TBC1D22A: variants seen among roughly 807,000 people sequenced by gnomAD.
The protein encoded by TBC1D22A is TBC1 domain family member 22A.
Under a neutral mutation model 60.2 loss-of-function variants are expected in TBC1D22A, and 38 were observed. That is an observed-to-expected ratio of 0.63 (90% CI 0.49 to 0.83). The LOEUF is 0.83. Among genes scored for constraint, TBC1D22A ranks in the 40% least tolerant of loss-of-function variants. The pLI is 0.00. For missense variants in TBC1D22A, 628 were observed against 701.0 expected (o/e 0.90, Z 1.18); for synonymous variants, 302 against 281.7 (o/e 1.07, Z -0.72).
intron 8 of TBC1D22A, chr22:46,915,133 A>C: frequency 3.0e-6 from 1 of 333,624 alleles, no homozygotes; most frequent in South Asian, 2.5e-5. Context: ...GTCGAGTCCC[A>C]GGGGTGTGCG....
intron 4 of TBC1D22A, among the ~76,000 whole-genome samples, chr22:46,839,766 A>G (rs2086672993): frequency 6.6e-6 from 1 of 152,250 alleles, no homozygotes. Flanking sequence ...AATGGAATGT[A>G]AAGTAGAGAG....
rs73477494 is a variant in TBC1D22A, at chr22:47,117,229, G to A, written c.1425+5626G>A. 1,636 of 167,634 alleles carry A rather than the reference G, an allele frequency of 9.8e-3. 7 individuals carry two copies. The highest frequency in any genetic ancestry group is 0.012 in the Non-Finnish European group (932 of 76,818). 10.4% of individuals were successfully genotyped at this position (167,634 alleles called of 1,614,324 possible). The stretch of plus-strand genomic sequence containing the variant: ...ACGAGCAGGGACGGGGCAGGATGGC[G>A]CATGGAGGAAGCAGGAAAAATTGTG... On this transcript the variant is annotated intron_variant, in intron 12 of 12. Coordinates refer to ENST00000337137, the MANE Select transcript of TBC1D22A (RefSeq NM_014346.5).
intron 4 of TBC1D22A, among the ~76,000 whole-genome samples, chr22:46,830,182 A>T (rs964448417): frequency 2.0e-4 from 30 of 152,216 alleles, no homozygotes; most frequent in African/African-American, 6.8e-4. Context: ...GCGGGAATGC[A>T]TGGGGACGCT....
Position 47,081,300 on chromosome 22 carries a change from C to T in TBC1D22A, c.1330-30208C>T, listed in dbSNP as rs76822796. Among the ~76,000 whole-genome samples the T allele has an allele frequency of 2.5e-3, 384 of 152,266 alleles. 1 individual carries two copies. The highest frequency in any genetic ancestry group is 8.6e-3 in the African/African-American group (358 of 41,554). On this transcript the variant is annotated intron_variant, in intron 11 of 12. Transcript: ENST00000337137. ...ATAGCATTTGACAAAATTCAGCACC[C>T]GCCGTGGTAGAAACGCTCCATAAAC...
At chr22:47,158,141 G>A (rs149974078) in intron 12 of TBC1D22A, among the ~76,000 whole-genome samples, 5 of 152,316 alleles carry the variant, frequency 3.3e-5, no homozygotes, top group East Asian at 3.9e-4. Flanking sequence ...GCTCTGGCTC[G>A]TGTGGGTTCT....
chr22:46,988,908 C>G (rs2074829353), intron 9 of TBC1D22A, among the ~76,000 whole-genome samples: 2 of 152,224 alleles, frequency 1.3e-5, no homozygotes, highest in Admixed American at 1.3e-4. Context: ...GTGTCTTCTT[C>G]CAGTAGAAGG....
At chr22:46,776,644 A>G (rs1462094029) in intron 1 of TBC1D22A, among the ~76,000 whole-genome samples, 2 of 152,004 alleles carry the variant, frequency 1.3e-5, no homozygotes, top group African/African-American at 4.8e-5. Context: ...TTGCATGGGT[A>G]GGACGAGGCC....
intron 10 of TBC1D22A, among the ~76,000 whole-genome samples, chr22:47,011,530 G>T (rs1001527491): frequency 1.3e-5 from 2 of 152,160 alleles, no homozygotes; most frequent in Non-Finnish European, 2.9e-5. Context: ...TTTCTAGAGC[G>T]GCCTCAGCAA....
At chr22:46,864,545 CACAA>C (rs1209453402) in intron 4 of TBC1D22A, among the ~76,000 whole-genome samples, 2 of 152,196 alleles carry the variant, frequency 1.3e-5, no homozygotes, top group Admixed American at 6.5e-5. Context: ...TTCCGCTTTC[CACAA>C]ACAGATTGGT....
At chr22:47,026,418 A>T (rs2062259967) in intron 10 of TBC1D22A, among the ~76,000 whole-genome samples, 1 of 152,228 alleles carries the variant, frequency 6.6e-6, no homozygotes, top group Non-Finnish European at 1.5e-5. Context: ...TTATTCGTAC[A>T]TACATAGAAA....
At chr22:47,112,872 T>C (rs1285586333) in intron 12 of TBC1D22A, among the ~76,000 whole-genome samples, 1 of 152,208 alleles carries the variant, frequency 6.6e-6, no homozygotes, top group Non-Finnish European at 1.5e-5. Flanking sequence ...TCCGCCCGGC[T>C]GATGCAAGGC....
intron 8 of TBC1D22A, among the ~76,000 whole-genome samples, chr22:46,919,738 T>G (rs1429114228): frequency 6.6e-6 from 1 of 151,768 alleles, no homozygotes; most frequent in Non-Finnish European, 1.5e-5. Flanking sequence ...ACTCTTTTTT[T>G]TTTTTTTGTA....
At chr22:46,970,706 G>C (rs904778446) in intron 8 of TBC1D22A, among the ~76,000 whole-genome samples, 2 of 152,192 alleles carry the variant, frequency 1.3e-5, no homozygotes, top group African/African-American at 4.8e-5. Context: ...ATCTGTCATG[G>C]GTGTTGGCCA....
chr22:47,169,959 G>A (rs1361284906), intron 12 of TBC1D22A, among the ~76,000 whole-genome samples: 5 of 152,248 alleles, frequency 3.3e-5, no homozygotes, highest in African/African-American at 7.2e-5. Flanking sequence ...GAATGTGACC[G>A]AGGGATGGCT....
At chr22:47,172,140 C>A (rs575796624) in intron 12 of TBC1D22A, among the ~76,000 whole-genome samples, 2 of 151,818 alleles carry the variant, frequency 1.3e-5, no homozygotes, top group African/African-American at 4.8e-5. Context: ...CCAGTGAGTC[C>A]GGTGTGCCCG....
At chr22:47,128,472 C>G (rs1250591507) in intron 12 of TBC1D22A, among the ~76,000 whole-genome samples, 1 of 146,306 alleles carries the variant, frequency 6.8e-6, no homozygotes, top group Non-Finnish European at 1.5e-5. Context: ...CCCTGAGTGG[C>G]ATCTTCCAGG....
chr22:46,838,335 CAT>C (rs1248100318), intron 4 of TBC1D22A, among the ~76,000 whole-genome samples: 2 of 152,046 alleles, frequency 1.3e-5, no homozygotes, highest in African/African-American at 4.8e-5. Context: ...TTCCTAGAAA[CAT>C]ATAGCATACC....
intron 1 of TBC1D22A, among the ~76,000 whole-genome samples, chr22:46,786,612 A>G (rs146456131): frequency 6.6e-6 from 1 of 152,112 alleles, no homozygotes; most frequent in Non-Finnish European, 1.5e-5. Flanking sequence ...TATTTGGTAG[A>G]ATTTACCAGT....
At chr22:47,045,900 C>G (rs185195779) in intron 11 of TBC1D22A, among the ~76,000 whole-genome samples, 141 of 152,288 alleles carry the variant, frequency 9.3e-4, no homozygotes, top group African/African-American at 3.2e-3. Context: ...ACGTCCTCCC[C>G]ACACCTGGCA....
Sources: gnomAD v4.1 joint callset for allele counts (sites outside exome capture counted in the v4.1 genomes callset) on GRCh38, gnomAD v4.1.1 for gene constraint, MANE v1.5 for transcripts, NCBI Gene and HGNC (gene_info 2026-07-23, HGNC 2026-07-21) for gene names.